RNGTT: variants seen among roughly 807,000 people sequenced by gnomAD.
RNGTT encodes mRNA-capping enzyme.
In RNGTT, 33 loss-of-function variants were observed where a neutral mutation model predicts 79.3. That is an observed-to-expected ratio of 0.42 (90% confidence interval 0.32 to 0.56). The LOEUF is 0.56. Ranked by LOEUF, RNGTT falls within the 20% of genes least tolerant of loss-of-function variation. The pLI, the probability that RNGTT is intolerant of heterozygous loss-of-function variation, is 0.17. For missense variants in RNGTT, 497 were observed against 739.1 expected (o/e 0.67, Z 3.80); for synonymous variants, 222 against 235.9 (o/e 0.94, Z 0.54).
chr6:88,760,353 T>A (rs2127835563), intron 13 of RNGTT, among the ~76,000 whole-genome samples: 1 of 152,276 alleles, frequency 6.6e-6, no homozygotes, highest in East Asian at 1.9e-4. Context: ...AAGAGTTCAG[T>A]CACAGCTCCT....
At chr6:88,655,353 C>T (rs147843515) in intron 14 of RNGTT, among the ~76,000 whole-genome samples, 367 of 152,072 alleles carry the variant, frequency 2.4e-3, no homozygotes, top group African/African-American at 8.5e-3. Flanking sequence ...AAATGATGTC[C>T]AAGTGGATGG....
intron 8 of RNGTT, among the ~76,000 whole-genome samples, chr6:88,883,736 A>G (rs1562301081): frequency 1.3e-5 from 2 of 152,216 alleles, no homozygotes; most frequent in African/African-American, 4.8e-5. Flanking sequence ...AGTATAAGGA[A>G]AGGCTTTCTA....
chr6:88,776,259 C>T (rs1484294826), intron 12 of RNGTT, among the ~76,000 whole-genome samples: 5 of 151,288 alleles, frequency 3.3e-5, no homozygotes, highest in Middle Eastern at 3.4e-3. Context: ...ATCTCAATGA[C>T]GTTTTAATTT....
At chr6:88,954,962 G>A (rs1049215132) in intron 1 of RNGTT, among the ~76,000 whole-genome samples, 2 of 152,046 alleles carry the variant, frequency 1.3e-5, no homozygotes, top group African/African-American at 4.8e-5. Flanking sequence ...GGAGGCTGAG[G>A]CAGGAGAATT....
At chr6:88,890,665 T>C in intron 7 of RNGTT, 69 bp from the exon 8 acceptor site, 1 of 954,124 alleles carries the variant, frequency 1.0e-6, no homozygotes, top group South Asian at 1.6e-5. Flanking sequence ...CTTAAACCAA[T>C]CTCAAATGAA....
chr6:88,768,223 C>T (rs1778531292), intron 13 of RNGTT, among the ~76,000 whole-genome samples: 1 of 151,642 alleles, frequency 6.6e-6, no homozygotes, highest in Admixed American at 6.6e-5. Context: ...AATCCTGCCA[C>T]CTCAGCCTCC....
intron 13 of RNGTT, among the ~76,000 whole-genome samples, chr6:88,715,863 C>G (rs1342146014): frequency 5.3e-5 from 8 of 152,138 alleles, no homozygotes; most frequent in South Asian, 2.1e-4. Flanking sequence ...CATAAAAACC[C>G]TAGAAGAAAA....
At chr6:88,948,487 TG>T (rs1785108607) in intron 1 of RNGTT, among the ~76,000 whole-genome samples, 3 of 87,272 alleles carry the variant, frequency 3.4e-5, no homozygotes, top group African/African-American at 9.1e-5. Flanking sequence ...GGGAGGGAGG[TG>T]GGGGGGTCAG....
chr6:88,725,863 A>C (rs914220493), intron 13 of RNGTT, among the ~76,000 whole-genome samples: 1 of 152,118 alleles, frequency 6.6e-6, no homozygotes, highest in Non-Finnish European at 1.5e-5. Flanking sequence ...CGGCTGGCAC[A>C]GGCAGGGAAA....
chr6:88,781,951 A>G (rs1779078796), intron 12 of RNGTT, among the ~76,000 whole-genome samples: 1 of 152,050 alleles, frequency 6.6e-6, no homozygotes. Context: ...AACAGGCCCT[A>G]TCAAATACAA....
At chr6:88,797,241 A>C (rs542765078) in intron 12 of RNGTT, among the ~76,000 whole-genome samples, 6 of 152,308 alleles carry the variant, frequency 3.9e-5, no homozygotes, top group African/African-American at 1.4e-4. Flanking sequence ...ACAATAAAAA[A>C]TTTGGGGCTA....
intron 2 of RNGTT, among the ~76,000 whole-genome samples, chr6:88,931,045 T>C (rs1784498818): frequency 6.6e-6 from 1 of 152,116 alleles, no homozygotes; most frequent in African/African-American, 2.4e-5. Context: ...TGAGCAATCC[T>C]AATATGAAAA....
At chr6:88,735,579 A>AG (rs1285220928) in intron 13 of RNGTT, among the ~76,000 whole-genome samples, 2 of 151,450 alleles carry the variant, frequency 1.3e-5, no homozygotes, top group Non-Finnish European at 2.9e-5. Flanking sequence ...AAAAAAAAAA[A>AG]AAAGAAAGAA....
intron 13 of RNGTT, among the ~76,000 whole-genome samples, chr6:88,679,001 T>C (rs1266735678): frequency 6.6e-6 from 1 of 152,098 alleles, no homozygotes; most frequent in Admixed American, 6.6e-5. Flanking sequence ...CCACCTCTTC[T>C]GCCTCTGCCA....
chr6:88,623,507 T>A (rs1772514516), intron 14 of RNGTT, among the ~76,000 whole-genome samples: 1 of 151,742 alleles, frequency 6.6e-6, no homozygotes, highest in Non-Finnish European at 1.5e-5. Flanking sequence ...TCCCCTAATA[T>A]TCAATCCATT....
chr6:88,833,874 T>C (rs1217928242), intron 11 of RNGTT, among the ~76,000 whole-genome samples: 3 of 151,882 alleles, frequency 2.0e-5, no homozygotes, highest in African/African-American at 4.8e-5. Context: ...AGACAAAAAT[T>C]AGCCGGGTGT....
At chr6:88,954,135 C>A (rs1207318181) in intron 1 of RNGTT, among the ~76,000 whole-genome samples, 1 of 152,136 alleles carries the variant, frequency 6.6e-6, no homozygotes, top group Non-Finnish European at 1.5e-5. Flanking sequence ...TATCTCAATA[C>A]TGTATTAACA....
At chr6:88,686,205 A>G (rs1775270855) in intron 13 of RNGTT, among the ~76,000 whole-genome samples, 1 of 151,784 alleles carries the variant, frequency 6.6e-6, no homozygotes, top group African/African-American at 2.4e-5. Flanking sequence ...TTTTTAATCT[A>G]GGAATAAAAC....
chr6:88,737,147 AC>A (rs1185777839), intron 13 of RNGTT, among the ~76,000 whole-genome samples: 2 of 152,166 alleles, frequency 1.3e-5, no homozygotes, highest in Admixed American at 1.3e-4. Context: ...GGGACATAAC[AC>A]CCCTTTCTTC....
Sources: allele counts gnomAD v4.1 joint callset (sites outside exome capture counted in the v4.1 genomes callset), GRCh38; gene constraint gnomAD v4.1.1; transcripts MANE v1.5; gene names NCBI Gene and HGNC (gene_info 2026-07-23, HGNC 2026-07-21).